The following TNRC6A variants were observed in gnomAD, a reference collection of about 807,000 sequenced individuals.
The protein encoded by TNRC6A is trinucleotide repeat containing adaptor 6A.
A neutral mutation model predicts 221.2 loss-of-function variants in TNRC6A; 44 were observed. That is an observed-to-expected ratio of 0.20 (90% CI 0.16 to 0.26). TNRC6A has a LOEUF of 0.26. Ranked by LOEUF, TNRC6A falls within the 10% of genes least tolerant of loss-of-function variation. The pLI, the probability that TNRC6A is intolerant of heterozygous loss-of-function variation, is 1.00. For missense variants in TNRC6A, 2,199 were observed against 2,404.4 expected (o/e 0.91, Z 1.79); for synonymous variants, 847 against 838.5 (o/e 1.01, Z -0.18).
chr16:24,773,998 A>G (rs749813354), intron 4 of TNRC6A, among the ~76,000 whole-genome samples: 2 of 152,086 alleles, frequency 1.3e-5, no homozygotes, highest in Admixed American at 1.3e-4. Flanking sequence ...TGTGACACAG[A>G]TAATTGGGGG....
chr16:24,758,473 G>A (rs1210375689), intron 4 of TNRC6A, 113 bp downstream of exon 4: 30 of 1,126,068 alleles, frequency 2.7e-5, no homozygotes, highest in Non-Finnish European at 3.7e-5. Context: ...GAAGCGGTTG[G>A]GATTAGCCTT....
At chr16:24,792,853 A>G (rs1459954217) in intron 6 of TNRC6A, among the ~76,000 whole-genome samples, 1 of 142,556 alleles carries the variant, frequency 7.0e-6, no homozygotes, top group Non-Finnish European at 1.5e-5. Context: ...CAGTGGCATG[A>G]TCTCGGTTCA....
chr16:24,805,835 C>A, intron 15 of TNRC6A, 102 bp downstream of exon 15: 1 of 1,447,154 alleles, frequency 6.9e-7, no homozygotes, highest in Non-Finnish European at 9.5e-7. Context: ...ACAAAACAGG[C>A]GTAGTCATAG....
At chr16:24,644,412 G>A (rs549710760) in intron 2 of TNRC6A, among the ~76,000 whole-genome samples, 10 of 151,636 alleles carry the variant, frequency 6.6e-5, no homozygotes, top group African/African-American at 2.4e-4. Flanking sequence ...CTCCCGCCCC[G>A]GCCAAGAAGA....
intron 1 of TNRC6A, among the ~76,000 whole-genome samples, chr16:24,626,829 T>C (rs1449521842): frequency 6.6e-6 from 1 of 151,776 alleles, no homozygotes; most frequent in Non-Finnish European, 1.5e-5. Flanking sequence ...TTTTTGTACT[T>C]TTTAGTAGAG....
chr16:24,793,804 G>T (rs542221504), intron 7 of TNRC6A, among the ~76,000 whole-genome samples, 155 bp downstream of exon 7: 2 of 152,228 alleles, frequency 1.3e-5, no homozygotes, highest in South Asian at 4.1e-4. Context: ...CTTTGATTTT[G>T]TAACGTGGTT....
At chr16:24,803,998 AT>A in intron 11 of TNRC6A, 178 bp from the exon 12 acceptor site, 1 of 576,748 alleles carries the variant, frequency 1.7e-6, no homozygotes, top group Non-Finnish European at 2.9e-6. Context: ...GTATCTCCTA[AT>A]TGCGACTTCA....
intron 1 of TNRC6A, among the ~76,000 whole-genome samples, chr16:24,630,009 T>TG (rs572632893): frequency 1.1e-3 from 164 of 152,242 alleles, no homozygotes; most frequent in African/African-American, 3.7e-3. Context: ...ATTTGCCATC[T>TG]TAACCATTTT....
intron 2 of TNRC6A, among the ~76,000 whole-genome samples, chr16:24,718,167 C>A (rs935993539): frequency 3.3e-5 from 5 of 152,302 alleles, no homozygotes; most frequent in Admixed American, 3.3e-4. Context: ...ACACTGAATG[C>A]AGCAGACAAG....
chr16:24,683,638 T>C (rs918069481), intron 2 of TNRC6A, among the ~76,000 whole-genome samples: 2 of 152,204 alleles, frequency 1.3e-5, no homozygotes, highest in African/African-American at 4.8e-5. Context: ...GCCCAGATTC[T>C]GGAGGTAAAC....
chr16:24,614,060 C>A (rs997054576), intron 1 of TNRC6A, among the ~76,000 whole-genome samples: 1 of 152,176 alleles, frequency 6.6e-6, no homozygotes, highest in African/African-American at 2.4e-5. Flanking sequence ...TATAGATAGT[C>A]TGCTGGCAGG....
chr16:24,684,735 G>A (rs2055594130), intron 2 of TNRC6A, among the ~76,000 whole-genome samples: 1 of 151,948 alleles, frequency 6.6e-6, no homozygotes, highest in South Asian at 2.1e-4. Context: ...GAGCCCAAGA[G>A]TTCGAGGTTA....
chr16:24,783,322 T>G (rs914627805), intron 5 of TNRC6A, among the ~76,000 whole-genome samples: 1 of 152,172 alleles, frequency 6.6e-6, no homozygotes, highest in Non-Finnish European at 1.5e-5. Flanking sequence ...AGAGATGGGA[T>G]TTCACTATGT....
intron 4 of TNRC6A, among the ~76,000 whole-genome samples, chr16:24,775,596 T>G (rs1386580557): frequency 1.3e-5 from 2 of 152,222 alleles, no homozygotes; most frequent in African/African-American, 4.8e-5. Context: ...TTGTCATATA[T>G]ATTGTAGGCA....
At chr16:24,820,492 G>A (rs374828457) in intron 22 of TNRC6A, 132 bp downstream of exon 22, 3 of 765,354 alleles carry the variant, frequency 3.9e-6, no homozygotes, top group Middle Eastern at 3.5e-4. Flanking sequence ...GAGAACTTCG[G>A]TAAACAAATG....
rs534177657 is a variant in TNRC6A at position 24,635,440 on chromosome 16, G to A, written n.277-5444G>A. Among the ~76,000 whole-genome samples the A allele has an allele frequency of 9.2e-5, 14 of 151,810 alleles. No homozygotes were observed. In the South Asian group the frequency reaches 1.0e-3, roughly 11 times the overall value. ...TGAGATTACAGGAGCCCACCACCAC[G>A]CCCAGCTAATTTTTGTATTTTTAGT... On this transcript the variant is annotated intron_variant and non_coding_transcript_variant, in intron 1 of 2. Coordinates refer to the TNRC6A transcript ENST00000566108.
upstream of TNRC6A, among the ~76,000 whole-genome samples, chr16:24,729,219 C>A (rs1388673021): frequency 2.0e-5 from 3 of 150,236 alleles, no homozygotes; most frequent in Admixed American, 6.7e-5. Context: ...GGCCCAAGGT[C>A]AAAAATAATT....
At chr16:24,778,198 G>A (rs1362007018) in intron 5 of TNRC6A, 1 of 668,972 alleles carries the variant, frequency 1.5e-6, no homozygotes, top group African/African-American at 2.0e-5. Flanking sequence ...CAGTGTGTGT[G>A]ACCTTGGGCA....
rs1357823553 is a variant in TNRC6A, at chr16:24,809,380, A to T, written c.4571A>T (p.Asp1524Val). The T allele has an allele frequency of 1.3e-6, 2 of 1,576,294 alleles. No individual in the cohort carries two copies. Among genetic ancestry groups the T allele is most frequent in the South Asian group, 1.2e-5 (1 of 82,998 alleles). Reference protein sequence around the residue: ...GLNSNLNVNMDMNSIKEPQSR... With the variant: ...GLNSNLNVNMVMNSIKEPQSR... ...AACTCAAACTTGAATGTAAATATGG[A>T]TATGAACAGTATTAAAGAGCCACAG... The change falls in exon 18 of 25, where the codon GAT (aspartate) becomes GTT (valine). Residue 1524 changes from aspartate to valine, a missense_variant. This residue lies in a region of TNRC6A where 449 missense variants were observed against 579.7 expected (regional missense o/e 0.77). Coordinates refer to ENST00000395799, the MANE Select transcript of TNRC6A (RefSeq NM_014494.4).
Sources: allele counts gnomAD v4.1 joint callset (sites outside exome capture counted in the v4.1 genomes callset), GRCh38; gene constraint gnomAD v4.1.1; regional missense constraint gnomAD v4.1.1; transcripts MANE v1.5; gene names NCBI Gene and HGNC (gene_info 2026-07-23, HGNC 2026-07-21).